SPTBN1: variants seen among roughly 807,000 people sequenced by gnomAD.
The protein encoded by SPTBN1 is spectrin beta chain, non-erythrocytic 1.
Under a neutral mutation model 266.4 loss-of-function variants are expected in SPTBN1, and 32 were observed. The observed-to-expected ratio is 0.12, with a 90% CI of 0.09 to 0.16. The LOEUF (loss-of-function observed/expected upper bound fraction) is 0.16, where lower values mean the gene tolerates loss of function less well. SPTBN1 is among the 10% of genes least tolerant of loss of function. The pLI is 1.00. For synonymous variants in SPTBN1, 1,336 were observed against 1,162.2 expected (o/e 1.15, Z -3.04); for missense variants, 2,296 against 3,067.1 (o/e 0.75, Z 5.94).
At chr2:54,643,429 C>A (rs1414983320) in intron 19 of SPTBN1, among the ~76,000 whole-genome samples, 1 of 152,178 alleles carries the variant, frequency 6.6e-6, no homozygotes, top group Non-Finnish European at 1.5e-5. Flanking sequence ...AGCTCTCATG[C>A]AGGGATTCCA....
At chr2:54,581,107 G>GA (rs1303115397) in intron 2 of SPTBN1, among the ~76,000 whole-genome samples, 4 of 151,100 alleles carry the variant, frequency 2.6e-5, no homozygotes, top group East Asian at 1.9e-4. Context: ...TAAAAAAAAA[G>GA]AAAAAATATA....
intron 1 of SPTBN1, among the ~76,000 whole-genome samples, chr2:54,476,877 A>G (rs1667859900): frequency 6.6e-6 from 1 of 152,202 alleles, no homozygotes; most frequent in African/African-American, 2.4e-5. Context: ...TGTTGAATCC[A>G]TAGGACTTTT....
intron 3 of SPTBN1, among the ~76,000 whole-genome samples, chr2:54,604,091 G>C (rs1183105867): frequency 6.6e-6 from 1 of 152,194 alleles, no homozygotes; most frequent in Non-Finnish European, 1.5e-5. Flanking sequence ...ACCCAGCTGG[G>C]TTATGGCAGA....
At position 54,558,458 on chromosome 2, in the gene SPTBN1, A is replaced by ATT. The variant is rs1673033057; in HGVS notation, c.148+31894_148+31895dup. ...CCGTGGCATGCTTAGGATTGGCCAT[A>ATT]TTTAAAAGTTCTGAAGTAGAACCTG... is the stretch of plus-strand genomic sequence containing the variant. On this transcript the variant is annotated intron_variant, in intron 2 of 35. Transcript: ENST00000356805. The surrounding 1 kb of genome is among the most constrained non-coding windows in gnomAD (Gnocchi z 4.6). 7.5e-6 allele frequency: 8 copies of ATT among 1,060,426 alleles called. No individual in the cohort carries two copies. The highest frequency in any genetic ancestry group is 9.1e-6 in the Non-Finnish European group (8 of 878,212). 65.7% of individuals were successfully genotyped at this position (1,060,426 alleles called of 1,614,324 possible).
chr2:54,507,578 G>A (rs1669639651), intron 1 of SPTBN1, among the ~76,000 whole-genome samples: 1 of 152,132 alleles, frequency 6.6e-6, no homozygotes, highest in South Asian at 2.1e-4. Context: ...CTAAATGGAA[G>A]ACACAAGGTC....
intron 2 of SPTBN1, among the ~76,000 whole-genome samples, chr2:54,594,986 C>T (rs1040572437): frequency 6.6e-6 from 1 of 152,046 alleles, no homozygotes; most frequent in African/African-American, 2.4e-5. Flanking sequence ...AGGCATGTGC[C>T]ACCACACCTG....
At chr2:54,514,345 AG>A (rs1472769169) in intron 1 of SPTBN1, among the ~76,000 whole-genome samples, 1 of 152,214 alleles carries the variant, frequency 6.6e-6, no homozygotes, top group Non-Finnish European at 1.5e-5. Flanking sequence ...TTTCCATTAT[AG>A]TAAGGGTGAA....
chr2:54,602,418 G>T (rs1416068361), intron 3 of SPTBN1, among the ~76,000 whole-genome samples: 2 of 152,186 alleles, frequency 1.3e-5, no homozygotes, highest in Non-Finnish European at 2.9e-5. Flanking sequence ...CACTTCAATG[G>T]TAATGTTCTG....
At chr2:54,592,124 A>C (rs1043038667) in intron 2 of SPTBN1, among the ~76,000 whole-genome samples, 1 of 152,240 alleles carries the variant, frequency 6.6e-6, no homozygotes. Context: ...CTGTGATCAC[A>C]CCACTACACT....
intron 32 of SPTBN1, chr2:54,660,824 G>T (rs1158360879): frequency 4.1e-6 from 4 of 985,220 alleles, no homozygotes; most frequent in African/African-American, 1.7e-5. Flanking sequence ...CCTCTGTCTC[G>T]CTCCCTGTCA....
intron 9 of SPTBN1, 29 bp downstream of exon 9, chr2:54,622,516 A>T (rs1678061175): frequency 6.2e-7 from 1 of 1,606,504 alleles, no homozygotes; most frequent in Admixed American, 1.7e-5. Context: ...TGTGATCATT[A>T]ATATGGAAAG....
intron 30 of SPTBN1, 39 bp downstream of exon 30, chr2:54,658,085 G>T (rs1292229069): frequency 6.2e-7 from 1 of 1,610,894 alleles, no homozygotes; most frequent in Admixed American, 1.7e-5. Flanking sequence ...TGGTGCCCTG[G>T]GCAGCCTTTT....
intron 1 of SPTBN1, among the ~76,000 whole-genome samples, chr2:54,466,868 C>T (rs910588965): frequency 1.3e-5 from 2 of 152,150 alleles, no homozygotes; most frequent in African/African-American, 2.4e-5. Context: ...TACGGAAAAG[C>T]AGTATTAATA....
At chr2:54,647,860 C>T (rs1048576951) in intron 24 of SPTBN1, among the ~76,000 whole-genome samples, 4 of 152,080 alleles carry the variant, frequency 2.6e-5, no homozygotes, top group African/African-American at 9.7e-5. Flanking sequence ...TAAAAATGAT[C>T]AGAAGTACAG....
At chr2:54,636,941 A>G (rs1338467272) in intron 17 of SPTBN1, among the ~76,000 whole-genome samples, 1 of 152,212 alleles carries the variant, frequency 6.6e-6, no homozygotes, top group African/African-American at 2.4e-5. Context: ...TTTGCTAGGC[A>G]TTCACGCTGC....
chr2:54,494,125 G>A (rs1168877010), intron 1 of SPTBN1, among the ~76,000 whole-genome samples: 1 of 152,174 alleles, frequency 6.6e-6, no homozygotes, highest in African/African-American at 2.4e-5. Flanking sequence ...CAGAGTGCAA[G>A]TTTTTACATA....
rs1295038978 is a variant in SPTBN1 at position 54,664,590 on chromosome 2, C to T, written c.6558C>T (p.Ala2186=). 1.2e-6 allele frequency: 2 copies of T among 1,614,180 alleles called. No individual in the cohort carries two copies. Among genetic ancestry groups the T allele is most frequent in the Non-Finnish European group, 1.7e-6 (2 of 1,180,038 alleles). The change falls in exon 33 of 36, where the codon GCC becomes GCT. Residue 2186 remains alanine, a synonymous_variant. Transcript: ENST00000356805. The surrounding 1 kb of genome is among the most constrained non-coding windows in gnomAD (Gnocchi z 5.6). The part of the protein sequence containing the change: ...AKTALPAQSA[A]TLPARTQETP... ...CTGCCCTCCCAGCCCAGAGTGCCGC[C>T]ACCTTACCAGCCAGAACCCAGGAGA...
chr2:54,648,737 A>G (rs1046816065), intron 24 of SPTBN1, among the ~76,000 whole-genome samples: 1 of 152,102 alleles, frequency 6.6e-6, no homozygotes. Context: ...ACCCATCCCT[A>G]GTGTAATAGT....
At chr2:54,616,420 C>T (rs569557409) in intron 5 of SPTBN1, 122 bp downstream of exon 5, 98 of 738,278 alleles carry the variant, frequency 1.3e-4, no homozygotes, top group Middle Eastern at 2.5e-4. Context: ...GTCTTGTTAA[C>T]TCGCAAGCAG....
Sources: gnomAD v4.1 joint callset for allele counts (sites outside exome capture counted in the v4.1 genomes callset) on GRCh38, gnomAD v4.1.1 for gene constraint, Gnocchi (gnomAD v3.1) non-coding constraint, MANE v1.5 for transcripts, NCBI Gene and HGNC (gene_info 2026-07-23, HGNC 2026-07-21) for gene names.